The following DAB1 variants were observed in gnomAD, a reference collection of about 807,000 sequenced individuals.
DAB1 encodes disabled homolog 1.
In DAB1, 15 loss-of-function variants were observed where a neutral mutation model predicts 64.6. The observed-to-expected ratio is 0.23, with a 90% CI of 0.16 to 0.36. The LOEUF is 0.36. Among genes scored for constraint, DAB1 ranks in the 10% least tolerant of loss-of-function variants. The probability of loss-of-function intolerance (pLI) is 1.00; values close to 1 mark genes in which losing one functional copy is unlikely to be tolerated. For missense variants in DAB1, 596 were observed against 706.7 expected (o/e 0.84, Z 1.78); for synonymous variants, 235 against 251.9 (o/e 0.93, Z 0.64).
At chr1:57,721,333 G>A (rs973164275) in intron 6 of DAB1, among the ~76,000 whole-genome samples, 5 of 150,768 alleles carry the variant, frequency 3.3e-5, no homozygotes, top group African/African-American at 1.2e-4. Context: ...TATAAAAAAA[G>A]AACTTAAATA....
At chr1:57,968,766 T>G (rs1396435777) in intron 5 of DAB1, among the ~76,000 whole-genome samples, 1 of 152,152 alleles carries the variant, frequency 6.6e-6, no homozygotes, top group East Asian at 1.9e-4. Flanking sequence ...CTGTGAGGTA[T>G]GTGTTTTATG....
At chr1:57,421,399 T>C (rs1360137017) in intron 1 of DAB1, among the ~76,000 whole-genome samples, 3 of 152,144 alleles carry the variant, frequency 2.0e-5, no homozygotes, top group Admixed American at 6.5e-5. Flanking sequence ...AAGCAAACCA[T>C]TAAAAAATAA....
intron 6 of DAB1, among the ~76,000 whole-genome samples, chr1:57,816,742 G>A (rs1213285101): frequency 6.6e-6 from 1 of 152,126 alleles, no homozygotes; most frequent in African/African-American, 2.4e-5. Context: ...TTCTGAAAAT[G>A]ATCAATACCA....
At position 57,725,807 on chromosome 1, in the gene DAB1, G is replaced by A. The variant is rs368263754; in HGVS notation, n.552-76142C>T. On this transcript the variant is annotated intron_variant and non_coding_transcript_variant, in intron 6 of 20. Transcript: ENST00000485760. ...CACTCTGTTGCCTAGGCTGGAGTGCGGTGGCGCGATCTCAGCTTACTGCAA... is the reference window on the plus strand; with the variant it reads ...CACTCTGTTGCCTAGGCTGGAGTGCAGTGGCGCGATCTCAGCTTACTGCAA... Among the ~76,000 whole-genome samples the A allele has an allele frequency of 9.2e-5, 14 of 151,522 alleles. No homozygotes were observed. In the South Asian group the frequency reaches 1.5e-3, roughly 16 times the overall value.
chr1:57,214,922 A>AAAAG (rs1359879434), intron 2 of DAB1, among the ~76,000 whole-genome samples: 3 of 151,076 alleles, frequency 2.0e-5, no homozygotes, highest in African/African-American at 7.3e-5. Flanking sequence ...AAAAAAAAAA[A>AAAAG]AAAAAAAAGA....
chr1:58,018,712 G>A (rs1646777363), intron 5 of DAB1, among the ~76,000 whole-genome samples: 1 of 152,162 alleles, frequency 6.6e-6, no homozygotes, highest in Non-Finnish European at 1.5e-5. Context: ...GGTGTTAATT[G>A]TTTTCATAAT....
At chr1:58,078,877 G>C (rs1649811596) in intron 5 of DAB1, among the ~76,000 whole-genome samples, 1 of 152,046 alleles carries the variant, frequency 6.6e-6, no homozygotes, top group Admixed American at 6.6e-5. Context: ...AGGGAATTTG[G>C]GAGACTTGGT....
At chr1:58,372,510 G>C (rs1386846087) in intron 3 of DAB1, among the ~76,000 whole-genome samples, 1 of 152,130 alleles carries the variant, frequency 6.6e-6, no homozygotes, top group Non-Finnish European at 1.5e-5. Flanking sequence ...GTTACTGCTG[G>C]AATGAGTTAA....
intron 3 of DAB1, among the ~76,000 whole-genome samples, chr1:58,404,715 T>A (rs1265451956): frequency 6.6e-6 from 1 of 152,188 alleles, no homozygotes; most frequent in African/African-American, 2.4e-5. Flanking sequence ...ATGGTGTGTA[T>A]GATGGGAGCA....
chr1:58,077,951 A>AT (rs761260109), intron 5 of DAB1: 1 of 152,194 alleles, frequency 6.6e-6, no homozygotes, highest in Non-Finnish European at 1.5e-5. Context: ...ATGTGGATTC[A>AT]TTTTTTCTCT....
intron 2 of DAB1, among the ~76,000 whole-genome samples, chr1:57,170,019 CAG>C (rs1439929267): frequency 1.4e-5 from 2 of 147,578 alleles, no homozygotes; most frequent in East Asian, 4.0e-4. Context: ...TTTTTTAAGA[CAG>C]AGTCTCACTC....
intron 2 of DAB1, among the ~76,000 whole-genome samples, chr1:57,287,778 T>TTTATTTA (rs1553164511): frequency 0.015 from 2,101 of 144,144 alleles, 57 homozygotes; most frequent in African/African-American, 0.051. Context: ...TTTCTCTCTC[T>TTTATTTA]TTTATTTATT....
intron 7 of DAB1, among the ~76,000 whole-genome samples, chr1:57,500,521 G>GT (rs1205698395): frequency 1.3e-5 from 2 of 152,246 alleles, no homozygotes; most frequent in Admixed American, 6.5e-5. Context: ...CCAGCTATTA[G>GT]TTTTTTTGTC....
At chr1:57,377,955 A>G (rs559067882) in intron 1 of DAB1, among the ~76,000 whole-genome samples, 1 of 152,302 alleles carries the variant, frequency 6.6e-6, no homozygotes, top group Non-Finnish European at 1.5e-5. Flanking sequence ...GTGGAGGAAG[A>G]TGGCTAGACT....
chr1:58,541,305 A>C, intron 1 of DAB1, among the ~76,000 whole-genome samples: 1 of 77,808 alleles, frequency 1.3e-5, no homozygotes, highest in African/African-American at 5.7e-5. Flanking sequence ...AAAAAAAAAA[A>C]AAAAAAAAAA....
chr1:58,203,704 C>T (rs1215127677), intron 4 of DAB1, among the ~76,000 whole-genome samples: 1 of 152,154 alleles, frequency 6.6e-6, no homozygotes, highest in Non-Finnish European at 1.5e-5. Context: ...AAGGATAGCA[C>T]TATGAGAACT....
intron 7 of DAB1, among the ~76,000 whole-genome samples, chr1:57,477,687 C>G (rs148383888): frequency 1.8e-3 from 276 of 152,174 alleles, no homozygotes; most frequent in African/African-American, 6.4e-3. Flanking sequence ...GGTGAGAAAT[C>G]ACTGTAGAAT....
chr1:57,022,981 A>C (rs776464085), intron 11 of DAB1, among the ~76,000 whole-genome samples: 4 of 152,266 alleles, frequency 2.6e-5, no homozygotes, highest in Non-Finnish European at 5.9e-5. Flanking sequence ...ACATTTAAAG[A>C]CTATTTGAAA....
chr1:57,049,568 C>T (rs1648961817), intron 9 of DAB1, among the ~76,000 whole-genome samples: 1 of 151,476 alleles, frequency 6.6e-6, no homozygotes, highest in African/African-American at 2.4e-5. Flanking sequence ...GGTTACTTGA[C>T]CTTCCAAAGC....
Sources: allele counts gnomAD v4.1 joint callset (sites outside exome capture counted in the v4.1 genomes callset), GRCh38; gene constraint gnomAD v4.1.1; transcripts MANE v1.5; gene names NCBI Gene and HGNC (gene_info 2026-07-23, HGNC 2026-07-21).